Variants in SPON1 observed in about 807,000 individuals in gnomAD.
SPON1 encodes the protein spondin 1.
Under a neutral mutation model 111.7 loss-of-function variants are expected in SPON1, and 52 were observed. The ratio of observed to expected loss-of-function variants is 0.47; its 90% CI spans 0.37 to 0.59. The LOEUF (loss-of-function observed/expected upper bound fraction) is 0.59, where lower values mean the gene tolerates loss of function less well. Among genes scored for constraint, SPON1 ranks in the 20% least tolerant of loss-of-function variants. SPON1 has a pLI of 0.00. For synonymous variants in SPON1, 410 were observed against 395.8 expected (o/e 1.04, Z -0.43); for missense variants, 957 against 1,068.5 (o/e 0.90, Z 1.46).
chr11:14,064,284 T>C (rs915559441), intron 3 of SPON1, among the ~76,000 whole-genome samples: 1 of 152,036 alleles, frequency 6.6e-6, no homozygotes, highest in Non-Finnish European at 1.5e-5. Context: ...ACATCAAGAG[T>C]ACCCAATGCC....
chr11:13,996,214 C>T (rs12282380), intron 2 of SPON1, among the ~76,000 whole-genome samples: 7,185 of 152,040 alleles, frequency 0.047, 555 homozygotes, highest in African/African-American at 0.16. Context: ...GACATTCTGT[C>T]CCTTCCCCTT....
intron 2 of SPON1, among the ~76,000 whole-genome samples, chr11:14,015,241 G>T (rs1029893231): frequency 6.6e-6 from 1 of 152,200 alleles, no homozygotes; most frequent in Non-Finnish European, 1.5e-5. Context: ...CAGTCTGGAA[G>T]CTGAGAAGTA....
intron 6 of SPON1, among the ~76,000 whole-genome samples, chr11:14,143,904 A>C (rs1321137103): frequency 2.6e-5 from 4 of 152,138 alleles, no homozygotes; most frequent in Non-Finnish European, 5.9e-5. Context: ...TCAGAGAAAG[A>C]GTATGGGGCC....
At chr11:14,222,281 G>A (rs1417331473) in intron 6 of SPON1, among the ~76,000 whole-genome samples, 1 of 152,194 alleles carries the variant, frequency 6.6e-6, no homozygotes, top group Admixed American at 6.5e-5. Flanking sequence ...ATCAAGTTGT[G>A]ACAGGTGACA....
At chr11:14,184,527 G>T (rs1848265864) in intron 6 of SPON1, among the ~76,000 whole-genome samples, 1 of 152,208 alleles carries the variant, frequency 6.6e-6, no homozygotes, top group African/African-American at 2.4e-5. Flanking sequence ...CTCTCAGAGG[G>T]CCAGCCTGGT....
At chr11:14,183,870 CA>C (rs1296705108) in intron 6 of SPON1, among the ~76,000 whole-genome samples, 1 of 140,002 alleles carries the variant, frequency 7.1e-6, no homozygotes, top group Non-Finnish European at 1.6e-5. Flanking sequence ...TCATCAAGAT[CA>C]CATCTATAAA....
intron 6 of SPON1, among the ~76,000 whole-genome samples, chr11:14,177,485 G>A (rs1425360934): frequency 6.6e-6 from 1 of 152,188 alleles, no homozygotes; most frequent in African/African-American, 2.4e-5. Context: ...CAATGAGCCA[G>A]TTTATTGATC....
intron 6 of SPON1, among the ~76,000 whole-genome samples, chr11:14,143,161 G>A (rs1847676946): frequency 6.6e-6 from 1 of 152,202 alleles, no homozygotes; most frequent in East Asian, 1.9e-4. Context: ...GGTGCCCCCT[G>A]CATCAGATAT....
At chr11:13,970,996 GA>G (rs1247976374) in intron 1 of SPON1, among the ~76,000 whole-genome samples, 1 of 152,108 alleles carries the variant, frequency 6.6e-6, no homozygotes. Flanking sequence ...ATTATTTGTT[GA>G]AAAAAATAAA....
chr11:14,197,643 A>G (rs1848417317), intron 6 of SPON1, among the ~76,000 whole-genome samples: 4 of 132,302 alleles, frequency 3.0e-5, no homozygotes, highest in Non-Finnish European at 6.6e-5. Context: ...CCTCTACTAA[A>G]TATACAAAAA....
intron 2 of SPON1, among the ~76,000 whole-genome samples, chr11:14,027,506 C>A (rs1170419166): frequency 1.3e-5 from 2 of 152,164 alleles, no homozygotes; most frequent in Middle Eastern, 3.2e-3. Context: ...ACAAATAAAC[C>A]ACCAGCACAG....
intron 2 of SPON1, among the ~76,000 whole-genome samples, chr11:14,008,161 T>C (rs781876516): frequency 2.0e-5 from 3 of 152,124 alleles, no homozygotes; most frequent in Non-Finnish European, 2.9e-5. Context: ...AAAAATACAG[T>C]ATAACAACTA....
chr11:14,153,969 A>C (rs896440918), intron 6 of SPON1, among the ~76,000 whole-genome samples: 5 of 152,234 alleles, frequency 3.3e-5, no homozygotes. Context: ...TAATCTCCTT[A>C]GACTCCATGT....
intron 5 of SPON1, among the ~76,000 whole-genome samples, chr11:14,082,877 CT>C (rs575741267): frequency 6.6e-6 from 1 of 152,168 alleles, no homozygotes; most frequent in Non-Finnish European, 1.5e-5. Flanking sequence ...CCAAGCCCCC[CT>C]GTCCTTTATT....
intron 2 of SPON1, among the ~76,000 whole-genome samples, chr11:14,003,623 C>T (rs377382841): frequency 4.0e-5 from 6 of 151,852 alleles, no homozygotes; most frequent in Non-Finnish European, 7.4e-5. Flanking sequence ...AGAAAGAAAG[C>T]GGGAGAGCTG....
chr11:13,981,839 G>A lies in SPON1; in HGVS notation c.239-1008G>A, dbSNP rs143033823. Among the ~76,000 whole-genome samples the A allele has an allele frequency of 2.8e-3, 431 of 152,250 alleles. 2 individuals are homozygous for A. Among genetic ancestry groups the A allele is most frequent in the African/African-American group, 9.4e-3 (389 of 41,550 alleles). ...GTTTCCTTCCCTCTTGTGGTTCCAC[G>A]GCCCTGCTCCTGGGACATCAGAGTC... On this transcript the variant is annotated intron_variant, in intron 1 of 15. Coordinates refer to ENST00000576479, the MANE Select transcript of SPON1 (RefSeq NM_006108.4).
intron 6 of SPON1, among the ~76,000 whole-genome samples, chr11:14,176,835 A>G (rs1848182333): frequency 6.6e-6 from 1 of 152,132 alleles, no homozygotes; most frequent in Non-Finnish European, 1.5e-5. Context: ...ATGTAGCCAC[A>G]AGGGCAATCC....
At chr11:14,097,094 C>T (rs1554923942) in intron 5 of SPON1, among the ~76,000 whole-genome samples, 1 of 152,156 alleles carries the variant, frequency 6.6e-6, no homozygotes, top group Non-Finnish European at 1.5e-5. Flanking sequence ...ATGAGAATGT[C>T]TTTTCTCTGG....
intron 5 of SPON1, among the ~76,000 whole-genome samples, chr11:14,091,468 G>A (rs1433639821): frequency 6.6e-6 from 1 of 152,198 alleles, no homozygotes. Flanking sequence ...CCCGAGCCCT[G>A]CCCCGCGGGA....
Sources: allele counts gnomAD v4.1 joint callset (sites outside exome capture counted in the v4.1 genomes callset), GRCh38; gene constraint gnomAD v4.1.1; transcripts MANE v1.5; gene names NCBI Gene and HGNC (gene_info 2026-07-23, HGNC 2026-07-21).